Variants in PLCL1 observed in about 807,000 individuals in gnomAD.
The protein encoded by PLCL1 is inactive phospholipase C-like protein 1.
A neutral mutation model predicts 84.4 loss-of-function variants in PLCL1; 41 were observed. That is an observed-to-expected ratio of 0.49 (90% CI 0.38 to 0.63). The LOEUF (loss-of-function observed/expected upper bound fraction) is 0.63. PLCL1 is among the 30% of genes least tolerant of loss of function. PLCL1 has a pLI of 0.00. For synonymous variants in PLCL1, 490 were observed against 488.3 expected, an observed-to-expected ratio of 1.00 and a Z score of -0.05; for missense variants, 1,206 against 1,367.8, an observed-to-expected ratio of 0.88 and a Z score of 1.87.
intron 1 of PLCL1, among the ~76,000 whole-genome samples, chr2:197,830,994 C>A (rs1691047341): frequency 6.6e-6 from 1 of 152,140 alleles, no homozygotes; most frequent in African/African-American, 2.4e-5. Context: ...ACCAGGCCTG[C>A]CTTACTAGAG....
At chr2:197,884,519 G>A (rs1687884349) in intron 1 of PLCL1, among the ~76,000 whole-genome samples, 1 of 152,176 alleles carries the variant, frequency 6.6e-6, no homozygotes, top group Non-Finnish European at 1.5e-5. Context: ...TACTAAGGAA[G>A]AAGTGGAAAG....
At chr2:197,885,469 T>G (rs1332745170) in intron 1 of PLCL1, among the ~76,000 whole-genome samples, 2 of 152,174 alleles carry the variant, frequency 1.3e-5, no homozygotes, top group Non-Finnish European at 2.9e-5. Context: ...CTATTCAAAA[T>G]GGATTGGCTG....
chr2:197,933,716 T>TA (rs1431412646), intron 1 of PLCL1, among the ~76,000 whole-genome samples: 1 of 152,118 alleles, frequency 6.6e-6, no homozygotes, highest in African/African-American at 2.4e-5. Flanking sequence ...GAATGTTTCT[T>TA]AAGGGTGGGA....
intron 1 of PLCL1, among the ~76,000 whole-genome samples, chr2:197,931,404 C>T (rs1688928312): frequency 6.6e-6 from 1 of 152,136 alleles, no homozygotes; most frequent in African/African-American, 2.4e-5. Context: ...TACAAGGAGG[C>T]TCAGCTGTTG....
intron 1 of PLCL1, among the ~76,000 whole-genome samples, chr2:197,878,381 T>C (rs192471617): frequency 3.9e-4 from 60 of 152,284 alleles, no homozygotes; most frequent in Admixed American, 1.0e-3. Flanking sequence ...AAAATGAGCT[T>C]ACTGGACTTT....
At position 198,028,845 on chromosome 2, in the gene PLCL1, C is replaced by T. The variant is rs931419502; in HGVS notation, c.241-54913C>T. ...TACAAATGATTCCATCTTGGAGCTC[C>T]CCCTGCCAGTGCCACCACCCCCACT... On this transcript the variant is annotated intron_variant, in intron 1 of 5. Coordinates refer to ENST00000428675, the MANE Select transcript of PLCL1 (RefSeq NM_006226.4). Among the ~76,000 whole-genome samples, 9 of 152,164 alleles carry T rather than the reference C, an allele frequency of 5.9e-5. No individual in the cohort carries two copies. In the East Asian group the frequency reaches 1.5e-3, roughly 26 times the overall value.
chr2:197,895,446 T>C (rs1229771113), intron 1 of PLCL1, among the ~76,000 whole-genome samples: 2 of 151,998 alleles, frequency 1.3e-5, no homozygotes, highest in East Asian at 1.9e-4. Flanking sequence ...AATTTCCATA[T>C]GTAGAAATTC....
intron 1 of PLCL1, among the ~76,000 whole-genome samples, chr2:197,880,627 G>C (rs1487768354): frequency 7.9e-5 from 12 of 152,096 alleles, no homozygotes; most frequent in Non-Finnish European, 1.5e-4. Flanking sequence ...TGCTTCGTTA[G>C]GATTTTATCT....
At chr2:198,104,746 C>T (rs1693431200) in intron 5 of PLCL1, among the ~76,000 whole-genome samples, 1 of 152,140 alleles carries the variant, frequency 6.6e-6, no homozygotes, top group Non-Finnish European at 1.5e-5. Context: ...GATGGTATCT[C>T]ACTGTGGTTT....
chr2:197,905,800 T>C (rs1688370382), intron 1 of PLCL1, among the ~76,000 whole-genome samples: 1 of 152,240 alleles, frequency 6.6e-6, no homozygotes, highest in Non-Finnish European at 1.5e-5. Flanking sequence ...TGGTTTTGAT[T>C]TGCATTTCTC....
At chr2:197,917,893 A>C (rs57437055) in intron 1 of PLCL1, among the ~76,000 whole-genome samples, 29,336 of 152,132 alleles carry the variant, frequency 0.19, 2,887 homozygotes, top group East Asian at 0.27. Context: ...CCAATGGCCA[A>C]CACTGGAACT....
At chr2:198,117,843 A>G (rs73063033) in intron 5 of PLCL1, among the ~76,000 whole-genome samples, 6,002 of 151,962 alleles carry the variant, frequency 0.039, 392 homozygotes, top group African/African-American at 0.14. Flanking sequence ...GAGTCTTTAC[A>G]TGTACTCTGA....
chr2:197,898,703 A>G (rs1688203725), intron 1 of PLCL1, among the ~76,000 whole-genome samples: 1 of 58,164 alleles, frequency 1.7e-5, no homozygotes, highest in Non-Finnish European at 3.6e-5. Context: ...ATTTATTAAT[A>G]TAAATGTGTG....
At chr2:197,934,048 T>C (rs1222466197) in intron 1 of PLCL1, among the ~76,000 whole-genome samples, 4 of 152,214 alleles carry the variant, frequency 2.6e-5, no homozygotes, top group South Asian at 2.1e-4. Flanking sequence ...TTAACTCTAA[T>C]GCATCTCATC....
intron 1 of PLCL1, among the ~76,000 whole-genome samples, chr2:197,840,282 C>G (rs1392471613): frequency 6.6e-6 from 1 of 151,736 alleles, no homozygotes; most frequent in Non-Finnish European, 1.5e-5. Context: ...TTACTTTTCC[C>G]CTGTCTGGTC....
At chr2:198,021,245 A>G (rs921394460) in intron 1 of PLCL1, among the ~76,000 whole-genome samples, 10 of 152,210 alleles carry the variant, frequency 6.6e-5, no homozygotes, top group African/African-American at 1.4e-4. Flanking sequence ...ACACAGCTAA[A>G]GCAGTGTTTA....
At chr2:197,914,236 A>C (rs865814702) in intron 1 of PLCL1, among the ~76,000 whole-genome samples, 57 of 152,342 alleles carry the variant, frequency 3.7e-4, no homozygotes, top group African/African-American at 1.2e-3. Context: ...AGACATCATG[A>C]CATGGGTGTA....
intron 1 of PLCL1, among the ~76,000 whole-genome samples, chr2:198,041,916 CA>C (rs1574267987): frequency 6.6e-6 from 1 of 151,998 alleles, no homozygotes; most frequent in African/African-American, 2.4e-5. Flanking sequence ...GCAAGAGAAA[CA>C]AAAAAATAAA....
At chr2:197,984,866 CCTATTCA>C (rs1476038705) in intron 1 of PLCL1, among the ~76,000 whole-genome samples, 1 of 151,788 alleles carries the variant, frequency 6.6e-6, no homozygotes, top group Non-Finnish European at 1.5e-5. Context: ...GGAATTTAGC[CCTATTCA>C]TCCTTTTGGA....
Sources: gnomAD v4.1 joint callset for allele counts (sites outside exome capture counted in the v4.1 genomes callset) on GRCh38, gnomAD v4.1.1 for gene constraint, MANE v1.5 for transcripts, NCBI Gene and HGNC (gene_info 2026-07-23, HGNC 2026-07-21) for gene names.